The following ANKRD55 variants were observed in gnomAD, a reference collection of about 807,000 sequenced individuals.
The protein encoded by ANKRD55 is ankyrin repeat domain 55.
A neutral mutation model predicts 60.6 loss-of-function variants in ANKRD55; 41 were observed. That is an observed-to-expected ratio of 0.68 (90% CI 0.53 to 0.88). ANKRD55 has a LOEUF of 0.88. ANKRD55 is among the 40% of genes least tolerant of loss of function. ANKRD55 has a pLI of 0.00. For missense variants in ANKRD55, 732 were observed against 767.6 expected, an observed-to-expected ratio of 0.95 and a Z score of 0.55; for synonymous variants, 264 against 290.3, an observed-to-expected ratio of 0.91 and a Z score of 0.92.
intron 4 of ANKRD55, 118 bp downstream of exon 4, chr5:56,176,034 T>G (rs930156282): frequency 1.5e-6 from 2 of 1,308,440 alleles, no homozygotes; most frequent in Non-Finnish European, 2.1e-6. Context: ...AAGCTTCAAG[T>G]TCCAGCTCCT....
intron 3 of ANKRD55, among the ~76,000 whole-genome samples, chr5:56,181,803 C>T (rs564499588): frequency 7.9e-5 from 12 of 152,210 alleles, no homozygotes; most frequent in South Asian, 6.2e-4. Flanking sequence ...TTGGCCAGGC[C>T]GGTCTTGACC....
chr5:56,173,582 CTA>C (rs1182603115), intron 4 of ANKRD55, among the ~76,000 whole-genome samples: 1,675 of 45,176 alleles, frequency 0.037, 31 homozygotes, highest in Middle Eastern at 0.071. Flanking sequence ...CTCTCTCTCT[CTA>C]TATATATATA....
chr5:56,111,211 CAGA>C lies in ANKRD55; in HGVS notation c.1534_1536del (p.Ser512del), dbSNP rs770164229. ...CTGAGCAATCTGTCCAGCAGCTTAT[CAGA>C]AGAAGACACAGTCCAAACTTTGTAG... On this transcript the variant is annotated inframe_deletion, in exon 10 of 12. Transcript: ENST00000341048. 4.3e-6 allele frequency: 7 copies of C among 1,614,188 alleles called. No individual in the cohort carries two copies. The highest frequency in any genetic ancestry group is 3.3e-5 in the South Asian group (3 of 91,080).
chr5:56,184,193 A>C (rs1758915739), intron 2 of ANKRD55, among the ~76,000 whole-genome samples: 1 of 152,128 alleles, frequency 6.6e-6, no homozygotes, highest in African/African-American at 2.4e-5. Flanking sequence ...CCTGATGGGG[A>C]GAAGAGAGAG....
chr5:56,113,363 AG>A (rs1336754665), intron 9 of ANKRD55, among the ~76,000 whole-genome samples: 2 of 152,206 alleles, frequency 1.3e-5, no homozygotes, highest in Non-Finnish European at 2.9e-5. Context: ...AGAAAAAAAA[AG>A]TCCTTTAACT....
chr5:56,127,561 C>T (rs1757304653), intron 7 of ANKRD55: 25 of 984,968 alleles, frequency 2.5e-5, no homozygotes, highest in South Asian at 9.4e-5. Flanking sequence ...TGATTGGTGG[C>T]GCAGTGATGC....
At chr5:56,103,412 G>C (rs978827175) in intron 10 of ANKRD55, among the ~76,000 whole-genome samples, 1 of 152,056 alleles carries the variant, frequency 6.6e-6, no homozygotes, top group Non-Finnish European at 1.5e-5. Context: ...TTTAAGATAC[G>C]GATGTTCGAT....
At chr5:56,165,156 G>C (rs1441031392) in intron 5 of ANKRD55, among the ~76,000 whole-genome samples, 1 of 152,194 alleles carries the variant, frequency 6.6e-6, no homozygotes, top group African/African-American at 2.4e-5. Flanking sequence ...AAAAACCTGA[G>C]CACAAGGGCA....
chr5:56,214,295 C>T (rs931128091), intron 2 of ANKRD55, among the ~76,000 whole-genome samples: 7 of 152,222 alleles, frequency 4.6e-5, no homozygotes, highest in African/African-American at 9.6e-5. Flanking sequence ...GGGATGTTCA[C>T]TTGACCTGGG....
intron 9 of ANKRD55, among the ~76,000 whole-genome samples, chr5:56,113,171 C>T (rs1403885665): frequency 6.6e-6 from 1 of 152,154 alleles, no homozygotes; most frequent in Non-Finnish European, 1.5e-5. Context: ...CCACTGAACC[C>T]TTGGAGAGGG....
chr5:56,136,238 A>G (rs930712758), intron 7 of ANKRD55, among the ~76,000 whole-genome samples: 1 of 152,260 alleles, frequency 6.6e-6, no homozygotes, highest in African/African-American at 2.4e-5. Context: ...CCAGAAACTT[A>G]TCTTGTAGAT....
intron 2 of ANKRD55, among the ~76,000 whole-genome samples, chr5:56,187,578 C>T (rs889621855): frequency 2.0e-5 from 3 of 152,246 alleles, no homozygotes; most frequent in Admixed American, 1.3e-4. Context: ...GCAGACCCGC[C>T]GCTGACTTCT....
intron 8 of ANKRD55, among the ~76,000 whole-genome samples, chr5:56,117,247 A>G (rs1756910637): frequency 6.6e-6 from 1 of 152,118 alleles, no homozygotes; most frequent in African/African-American, 2.4e-5. Flanking sequence ...ATTTATAGTA[A>G]GGTTTGAACT....
chr5:56,193,488 A>G (rs1438617092), intron 2 of ANKRD55: 1 of 485,366 alleles, frequency 2.1e-6, no homozygotes. Flanking sequence ...TTGATTTTAC[A>G]ACTGTGTATG....
intron 8 of ANKRD55, among the ~76,000 whole-genome samples, chr5:56,126,003 A>C (rs1264964162): frequency 6.6e-6 from 1 of 152,110 alleles, no homozygotes. Flanking sequence ...GCATGGTGGC[A>C]GGAGCCTGTA....
intron 2 of ANKRD55, among the ~76,000 whole-genome samples, chr5:56,202,987 T>C (rs1166453813): frequency 6.6e-6 from 1 of 152,174 alleles, no homozygotes; most frequent in African/African-American, 2.4e-5. Flanking sequence ...TATTAATTCT[T>C]AAAAATATCT....
At chr5:56,211,289 G>A (rs1308253509) in intron 2 of ANKRD55, among the ~76,000 whole-genome samples, 1 of 152,182 alleles carries the variant, frequency 6.6e-6, no homozygotes, top group East Asian at 1.9e-4. Context: ...TTTCAGGACC[G>A]TTTCAATGCC....
rs184532216 is a variant in ANKRD55 at position 56,124,539 on chromosome 5, G to A, written c.797+2383C>T. Among the ~76,000 whole-genome samples the A allele has an allele frequency of 1.4e-4, 21 of 151,744 alleles. No individual in the cohort carries two copies. The East Asian group carries it at 3.9e-3, about 28-fold the overall frequency. On this transcript the variant is annotated intron_variant, in intron 8 of 11. Transcript: ENST00000341048. ...TAATTTTTTTTTGAGACGGAGTCTC[G>A]CTCTGTCATCCAGGCTGGAGTGCAG... is the stretch of plus-strand genomic sequence containing the variant.
intron 2 of ANKRD55, among the ~76,000 whole-genome samples, chr5:56,188,864 T>C (rs1041965142): frequency 2.6e-5 from 4 of 152,232 alleles, no homozygotes; most frequent in Admixed American, 6.5e-5. Context: ...ACTTGGAGTT[T>C]TAGCTGGAAA....
Sources: allele counts gnomAD v4.1 joint callset (sites outside exome capture counted in the v4.1 genomes callset), GRCh38; gene constraint gnomAD v4.1.1; transcripts MANE v1.5; gene names NCBI Gene and HGNC (gene_info 2026-07-23, HGNC 2026-07-21).